RAB37: variants seen among roughly 807,000 people sequenced by gnomAD.
RAB37 encodes RAB37, member RAS oncogene family.
RAB37 carries 29 observed loss-of-function variants against 33.1 expected under a neutral mutation model. The ratio of observed to expected loss-of-function variants is 0.88; its 90% CI spans 0.65 to 1.20. RAB37 has a LOEUF of 1.20. Ranked by LOEUF, RAB37 falls within the 50% of genes most tolerant of loss-of-function variation. The pLI, the probability that RAB37 is intolerant of heterozygous loss-of-function variation, is 0.00. For missense variants in RAB37, 299 were observed against 301.1 expected, an observed-to-expected ratio of 0.99 and a Z score of 0.05; for synonymous variants, 128 against 119.5, an observed-to-expected ratio of 1.07 and a Z score of -0.47.
chr17:74,714,021 C>A (rs937301739), intron 1 of RAB37, among the ~76,000 whole-genome samples: 2 of 150,950 alleles, frequency 1.3e-5, no homozygotes, highest in African/African-American at 4.9e-5. Context: ...ACCGGCCTGG[C>A]CAAAATGGTG....
At chr17:74,725,357 C>T (rs2034292817) in intron 1 of RAB37, among the ~76,000 whole-genome samples, 4 of 152,150 alleles carry the variant, frequency 2.6e-5, no homozygotes, top group Admixed American at 2.6e-4. Context: ...CTGTCCACAG[C>T]CCCTGCAAAT....
intron 1 of RAB37, among the ~76,000 whole-genome samples, chr17:74,708,735 T>G (rs895465880): frequency 6.6e-6 from 1 of 151,894 alleles, no homozygotes; most frequent in African/African-American, 2.4e-5. Context: ...GCTAACACGG[T>G]GAAACCCTGT....
rs1486667404 is a variant in RAB37, at chr17:74,742,839, A to G, written c.247-290A>G. On this transcript the variant is annotated intron_variant, in intron 3 of 8. Transcript: ENST00000392613. This position sits in a 1 kb window ranked among gnomAD's most constrained non-coding sequence, Gnocchi z 4.0. ...ACGGGGTTTCACTGTGTTAGCCAGG[A>G]TGGTCTGGATCTCCTGACCTCGTGA... Among the ~76,000 whole-genome samples, 1 of 151,942 alleles carries G rather than the reference A, an allele frequency of 6.6e-6. No individual in the cohort carries two copies. Among genetic ancestry groups the G allele is most frequent in the East Asian group, 1.9e-4 (1 of 5,180 alleles).
chr17:74,695,659 C>T (rs539285223), intron 1 of RAB37: 157 of 1,608,078 alleles, frequency 9.8e-5, no homozygotes, highest in Non-Finnish European at 1.2e-4. Flanking sequence ...CACCCTCCAA[C>T]GGGGTGCAAC....
At chr17:74,741,591 A>AG (rs1462718364) in intron 2 of RAB37, among the ~76,000 whole-genome samples, 3 of 149,988 alleles carry the variant, frequency 2.0e-5, no homozygotes, top group Non-Finnish European at 4.5e-5. Context: ...GTCTCAGAAA[A>AG]AAAAAAAAAA....
Position 74,740,748 on chromosome 17 carries a change from C to T in RAB37, c.94-20C>T. 1 of 1,558,996 alleles carries T rather than the reference C, an allele frequency of 6.4e-7. No individual in the cohort carries two copies. Reference sequence around the variant, plus strand: ...GCTGCCCCTGACTCCCCATTAACTGCCTCTGCCCCTACCCCCTAGGTGATG... The same window carrying T: ...GCTGCCCCTGACTCCCCATTAACTGTCTCTGCCCCTACCCCCTAGGTGATG... On this transcript the variant is annotated intron_variant, in intron 1 of 8. Transcript: ENST00000392613.
intron 1 of RAB37, among the ~76,000 whole-genome samples, chr17:74,714,990 T>G (rs573882911): frequency 6.6e-6 from 1 of 152,122 alleles, no homozygotes; most frequent in Non-Finnish European, 1.5e-5. Context: ...GGTGTGGTGG[T>G]GGGTGCTTAT....
intron 1 of RAB37, among the ~76,000 whole-genome samples, chr17:74,702,070 A>G (rs1484887796): frequency 6.6e-6 from 1 of 152,002 alleles, no homozygotes; most frequent in Non-Finnish European, 1.5e-5. Context: ...AAAAAACAGA[A>G]GGCAAATGGG....
chr17:74,680,022 C>T (rs2031921576), intron 1 of RAB37, among the ~76,000 whole-genome samples: 1 of 151,346 alleles, frequency 6.6e-6, no homozygotes, highest in Non-Finnish European at 1.5e-5. Context: ...AACTGACTTG[C>T]TCAAGGTCAT....
intron 2 of RAB37, among the ~76,000 whole-genome samples, chr17:74,731,074 G>GA (rs1184034018): frequency 1.3e-5 from 2 of 152,202 alleles, no homozygotes; most frequent in African/African-American, 4.8e-5. Flanking sequence ...TACGCTGAGT[G>GA]AGGACCTGAG....
intron 1 of RAB37, chr17:74,694,805 G>T: frequency 3.4e-6 from 1 of 292,040 alleles, no homozygotes; most frequent in Non-Finnish European, 6.3e-6. Context: ...TGATAATAAT[G>T]ATAACATTTT....
chr17:74,738,784 C>A lies in RAB37; in HGVS notation c.93+1419C>A, dbSNP rs1310759010. ...CTGCCCCAGGGGAGTGAGTCCAGGA[C>A]CCTCTGAGAAAGCCTGGCAGGAGCT... On this transcript the variant is annotated intron_variant, in intron 1 of 8. Coordinates refer to ENST00000392613, the MANE Select transcript of RAB37 (RefSeq NM_001006638.3). The surrounding 1 kb of genome is among the most constrained non-coding windows in gnomAD (Gnocchi z 5.0). Among the ~76,000 whole-genome samples the A allele has an allele frequency of 1.3e-5, 2 of 152,118 alleles. No homozygotes were observed. Among genetic ancestry groups the A allele is most frequent in the African/African-American group, 4.8e-5 (2 of 41,442 alleles).
intron 1 of RAB37, among the ~76,000 whole-genome samples, chr17:74,739,077 C>A (rs1178110476): frequency 6.6e-6 from 1 of 152,232 alleles, no homozygotes; most frequent in Non-Finnish European, 1.5e-5. Context: ...GCCACCCCTG[C>A]CTCTCCACCA....
chr17:74,682,844 C>T (rs2384784), intron 1 of RAB37, among the ~76,000 whole-genome samples: 4 of 152,106 alleles, frequency 2.6e-5, no homozygotes, highest in South Asian at 4.1e-4. Context: ...GCGGAGGTTG[C>T]GGTGAGCCGA....
intron 1 of RAB37, among the ~76,000 whole-genome samples, chr17:74,739,256 G>C (rs1567814434): frequency 6.6e-6 from 1 of 152,220 alleles, no homozygotes; most frequent in African/African-American, 2.4e-5. Flanking sequence ...TGTTATCCAA[G>C]ATTGGAGAAC....
Position 74,671,999 on chromosome 17 carries a change from C to T in RAB37, c.72+341C>T, listed in dbSNP as rs899651964. Among the ~76,000 whole-genome samples, 1 of 152,142 alleles carries T rather than the reference C, an allele frequency of 6.6e-6. No individual in the cohort carries two copies. The highest frequency in any genetic ancestry group is 1.5e-5 in the Non-Finnish European group (1 of 68,034). On this transcript the variant is annotated intron_variant, in intron 1 of 7. Coordinates refer to the RAB37 transcript ENST00000340415. This position sits in a 1 kb window ranked among gnomAD's most constrained non-coding sequence, Gnocchi z 5.0. ...ACCCTTGTAGGAGACTGCATTTCTC[C>T]CTGTTACATCTGCTAGCAGTGGCCA... is the stretch of plus-strand genomic sequence containing the variant.
chr17:74,695,236 C>T, intron 1 of RAB37: 1 of 1,614,012 alleles, frequency 6.2e-7, no homozygotes, highest in East Asian at 2.2e-5. Context: ...GAAATGTCCT[C>T]CTTCGGCAAG....
chr17:74,735,664 G>GT (rs1220980083), upstream of RAB37, among the ~76,000 whole-genome samples: 2 of 152,196 alleles, frequency 1.3e-5, no homozygotes, highest in African/African-American at 4.8e-5. Flanking sequence ...GAGGCTCCCT[G>GT]TTTGAGTCCC....
intron 1 of RAB37, chr17:74,712,783 T>A (rs2034065577): frequency 6.2e-7 from 1 of 1,612,688 alleles, no homozygotes; most frequent in Non-Finnish European, 8.5e-7. Context: ...CTCCTCCTGC[T>A]TGCTAAGCTT....
Sources: allele counts gnomAD v4.1 joint callset (sites outside exome capture counted in the v4.1 genomes callset), GRCh38; gene constraint gnomAD v4.1.1; non-coding constraint Gnocchi (gnomAD v3.1); transcripts MANE v1.5; gene names NCBI Gene and HGNC (gene_info 2026-07-23, HGNC 2026-07-21).